RANBP2: variants seen among roughly 807,000 people sequenced by gnomAD.
The protein encoded by RANBP2 is RAN binding protein 2.
In RANBP2, 57 loss-of-function variants were observed where a neutral mutation model predicts 303.6. The observed-to-expected ratio is 0.19, with a 90% CI of 0.15 to 0.23. The LOEUF is 0.23. Ranked by LOEUF, RANBP2 falls within the 10% of genes least tolerant of loss-of-function variation. The probability of loss-of-function intolerance (pLI) is 1.00; values close to 1 mark genes in which losing one functional copy is unlikely to be tolerated. For synonymous variants in RANBP2, 1,167 were observed against 1,301.5 expected (o/e 0.90, Z 2.23); for missense variants, 3,138 against 3,780.8 (o/e 0.83, Z 4.46).
chr2:109,210,052 C>T, the RANBP2 span, among the ~76,000 whole-genome samples: 1 of 152,340 alleles, frequency 6.6e-6, no homozygotes, highest in African/African-American at 2.4e-5. Flanking sequence ...CAGAGTCAAA[C>T]AGTATTTGTC....
the RANBP2 span, among the ~76,000 whole-genome samples, chr2:108,957,543 C>G: frequency 2.0e-5 from 3 of 152,212 alleles, no homozygotes; most frequent in Admixed American, 6.5e-5. Flanking sequence ...ATTTCTTCAC[C>G]CTCCTCCACT....
the RANBP2 span, among the ~76,000 whole-genome samples, chr2:109,359,478 T>TG: frequency 6.6e-6 from 1 of 152,252 alleles, no homozygotes; most frequent in Non-Finnish European, 1.5e-5. Context: ...ATATACATCT[T>TG]GCACATATTT....
At chr2:109,544,015 G>A in the RANBP2 span, 3,826 of 752,224 alleles carry the variant, frequency 5.1e-3, 107 homozygotes, top group South Asian at 0.049. Flanking sequence ...CAAAGGTGTC[G>A]GGTGGGGAAT....
the RANBP2 span, among the ~76,000 whole-genome samples, chr2:109,209,035 C>T: frequency 6.6e-6 from 1 of 152,172 alleles, no homozygotes. Flanking sequence ...GCAGTGCTGG[C>T]CCCAGCACCT....
At chr2:109,541,812 G>A in the RANBP2 span, among the ~76,000 whole-genome samples, 1 of 152,198 alleles carries the variant, frequency 6.6e-6, no homozygotes, top group Non-Finnish European at 1.5e-5. Flanking sequence ...TTTTGAGAGT[G>A]CCCTGCTCCA....
In RANBP2 at chr2:108,726,774, C is replaced by A. The variant is rs920837696; in HGVS notation, c.73-2358C>A. Among the ~76,000 whole-genome samples, 291 of 151,884 alleles carry A rather than the reference C, an allele frequency of 1.9e-3. 3 individuals are homozygous for A. Among genetic ancestry groups the A allele is most frequent in the African/African-American group, 6.8e-3 (282 of 41,432 alleles). On this transcript the variant is annotated intron_variant, in intron 1 of 28. Coordinates refer to ENST00000283195, the MANE Select transcript of RANBP2 (RefSeq NM_006267.5). Reference sequence around the variant, plus strand: ...TCTCTGGTTTTCCTAGGCAGAGGACCCTGCAGCCTTCCGCAGTGTTTGTGT... The same window carrying A: ...TCTCTGGTTTTCCTAGGCAGAGGACACTGCAGCCTTCCGCAGTGTTTGTGT...
At chr2:109,678,710 T>A in the RANBP2 span, among the ~76,000 whole-genome samples, 1 of 152,222 alleles carries the variant, frequency 6.6e-6, no homozygotes, top group African/African-American at 2.4e-5. Flanking sequence ...TGTGACTGTT[T>A]TTCCTTTCCT....
chr2:109,071,241 C>T, the RANBP2 span, among the ~76,000 whole-genome samples: 2 of 152,136 alleles, frequency 1.3e-5, no homozygotes, highest in Non-Finnish European at 2.9e-5. Flanking sequence ...AAGGTAAATT[C>T]AAGGATGTCT....
chr2:109,436,239 A>G, the RANBP2 span, among the ~76,000 whole-genome samples: 8 of 152,224 alleles, frequency 5.3e-5, no homozygotes, highest in African/African-American at 1.9e-4. Flanking sequence ...TAACTCTGCC[A>G]TATTTCACAT....
At chr2:109,502,069 G>A in the RANBP2 span, 1 of 193,624 alleles carries the variant, frequency 5.2e-6, no homozygotes, top group Non-Finnish European at 1.1e-5. Context: ...GGGGCCAGGA[G>A]CGCTGGAGAT....
At chr2:109,221,062 A>T in the RANBP2 span, among the ~76,000 whole-genome samples, 1 of 152,230 alleles carries the variant, frequency 6.6e-6, no homozygotes, top group Non-Finnish European at 1.5e-5. Flanking sequence ...GTTGAGGAAT[A>T]TTCAGCCTTA....
intron 17 of RANBP2, among the ~76,000 whole-genome samples, chr2:108,755,899 T>C (rs1446603268): frequency 2.0e-5 from 3 of 152,112 alleles, no homozygotes; most frequent in African/African-American, 7.2e-5. Flanking sequence ...AATTTTTGTA[T>C]GTTTAGTAGA....
At chr2:109,148,166 A>G in the RANBP2 span, among the ~76,000 whole-genome samples, 1 of 152,298 alleles carries the variant, frequency 6.6e-6, no homozygotes, top group Admixed American at 6.5e-5. Context: ...GTGTGTTCTT[A>G]CCGATGGTGG....
chr2:109,068,529 C>G, the RANBP2 span, among the ~76,000 whole-genome samples: 1 of 152,224 alleles, frequency 6.6e-6, no homozygotes, highest in Non-Finnish European at 1.5e-5. Flanking sequence ...GAGACTGGCA[C>G]ATACACAGCA....
At chr2:109,393,957 C>G in the RANBP2 span, among the ~76,000 whole-genome samples, 1 of 152,028 alleles carries the variant, frequency 6.6e-6, no homozygotes, top group African/African-American at 2.4e-5. Flanking sequence ...TGTCGTGGAC[C>G]CAGCGCTGAA....
At chr2:109,290,437 C>T in the RANBP2 span, among the ~76,000 whole-genome samples, 1 of 152,220 alleles carries the variant, frequency 6.6e-6, no homozygotes, top group Non-Finnish European at 1.5e-5. Flanking sequence ...CACATATATG[C>T]ATGCACCAGA....
the RANBP2 span, among the ~76,000 whole-genome samples, chr2:108,881,329 C>A: frequency 1.1e-4 from 17 of 152,340 alleles, no homozygotes; most frequent in South Asian, 3.5e-3. Context: ...GCTTCCTCAG[C>A]CTTCATAGAA....
chr2:109,378,227 T>G, the RANBP2 span, among the ~76,000 whole-genome samples: 1 of 152,220 alleles, frequency 6.6e-6, no homozygotes, highest in East Asian at 1.9e-4. Context: ...CGGCTTGCAC[T>G]CTGGGTCAGG....
the RANBP2 span, among the ~76,000 whole-genome samples, chr2:109,076,509 T>C: frequency 4.1e-3 from 614 of 150,580 alleles, 15 homozygotes; most frequent in African/African-American, 0.014. Flanking sequence ...TAGAAAATCC[T>C]AATAATTCCA....
Sources: gnomAD v4.1 joint callset for allele counts (sites outside exome capture counted in the v4.1 genomes callset) on GRCh38, gnomAD v4.1.1 for gene constraint, MANE v1.5 for transcripts, NCBI Gene and HGNC (gene_info 2026-07-23, HGNC 2026-07-21) for gene names.